The following SRSF10 variants were observed in gnomAD, a reference collection of about 807,000 sequenced individuals.
The protein encoded by SRSF10 is serine and arginine rich splicing factor 10, also known as serine/arginine-rich splicing factor 10.
SRSF10 carries 9 observed loss-of-function variants against 32.6 expected under a neutral mutation model. The ratio of observed to expected loss-of-function variants is 0.28; its 90% CI spans 0.17 to 0.48. The LOEUF (loss-of-function observed/expected upper bound fraction) is 0.48, where lower values mean the gene tolerates loss of function less well. SRSF10 is among the 20% of genes least tolerant of loss of function. The pLI is 0.99. For synonymous variants in SRSF10, 105 were observed against 112.4 expected, an observed-to-expected ratio of 0.93 and a Z score of 0.42; for missense variants, 201 against 331.8, an observed-to-expected ratio of 0.61 and a Z score of 3.06.
intron 1 of SRSF10, 27 bp downstream of exon 1, chr1:23,980,164 G>A: frequency 6.5e-7 from 1 of 1,531,746 alleles, no homozygotes; most frequent in South Asian, 1.2e-5. Flanking sequence ...TCCCCGCCTA[G>A]GCCCGGAGTA....
At position 23,967,893 on chromosome 1, in the gene SRSF10, T is replaced by G; in HGVS notation, c.*3249A>C. ...TGGGATGTAACTTAACAGCTCATAC[T>G]CTATGTAGCACCTTTCCTCTCTCAC... On this transcript the variant is annotated 3_prime_UTR_variant, in exon 6 of 6. Transcript: ENST00000492112. The G allele has an allele frequency of 1.3e-6, 2 of 1,549,432 alleles. No individual in the cohort carries two copies. Among genetic ancestry groups the G allele is most frequent in the Non-Finnish European group, 1.7e-6 (2 of 1,146,508 alleles).
intron 1 of SRSF10, among the ~76,000 whole-genome samples, 188 bp downstream of exon 1, chr1:23,980,003 G>C (rs1214315137): frequency 6.6e-6 from 1 of 152,234 alleles, no homozygotes; most frequent in African/African-American, 2.4e-5. Flanking sequence ...GGCGAAGGCA[G>C]AGGCGCCGCC....
At chr1:23,975,660 A>AG (rs1392739830) in intron 2 of SRSF10, 1 of 152,320 alleles carries the variant, frequency 6.6e-6, no homozygotes, top group African/African-American at 2.4e-5. Flanking sequence ...TGGGAAGACA[A>AG]GCACGCTAGC....
intron 2 of SRSF10, chr1:23,975,494 C>T (rs1284905857): frequency 1.3e-5 from 2 of 157,924 alleles, no homozygotes; most frequent in Non-Finnish European, 2.8e-5. Context: ...TTGTTTCAAA[C>T]GAAAAAAAGA....
At chr1:23,971,669 T>A in intron 4 of SRSF10, 43 bp from the exon 5 acceptor site, 3 of 1,591,480 alleles carry the variant, frequency 1.9e-6, no homozygotes, top group Non-Finnish European at 2.6e-6. Flanking sequence ...TATCTATTCA[T>A]AGAGGCAAAG....
chr1:23,977,081 T>C (rs1642139127), intron 2 of SRSF10: 1 of 152,180 alleles, frequency 6.6e-6, no homozygotes, highest in Non-Finnish European at 1.5e-5. Flanking sequence ...AAGCCAGATA[T>C]AGCTATTATT....
chr1:23,974,224 C>CA (rs1212258494), intron 3 of SRSF10, among the ~76,000 whole-genome samples: 1 of 152,140 alleles, frequency 6.6e-6, no homozygotes, highest in African/African-American at 2.4e-5. Context: ...CTCGGCCTCC[C>CA]AAAGTGCTGG....
rs1641517590 is a variant in SRSF10, at chr1:23,967,676, G to T, written c.*3466C>A. ...CTTTTTCCGCTTTCAGATCTTTCTT[G>T]AAGTGTAGTAAGCAGAACTGTACTG... On this transcript the variant is annotated 3_prime_UTR_variant, in exon 6 of 6. Transcript: ENST00000492112. The T allele has an allele frequency of 6.3e-7, 1 of 1,584,740 alleles. No individual in the cohort carries two copies. Among genetic ancestry groups the T allele is most frequent in the Admixed American group, 1.7e-5 (1 of 59,878 alleles).
At chr1:23,974,367 TG>T (rs1641955737) in intron 3 of SRSF10, among the ~76,000 whole-genome samples, 1 of 152,122 alleles carries the variant, frequency 6.6e-6, no homozygotes, top group South Asian at 2.1e-4. Context: ...ATTCCTGCCT[TG>T]TAAGTACGCA....
intron 3 of SRSF10, among the ~76,000 whole-genome samples, chr1:23,973,889 T>TA (rs1330204768): frequency 6.6e-6 from 1 of 152,054 alleles, no homozygotes; most frequent in African/African-American, 2.4e-5. Context: ...GGAGTACATA[T>TA]AAAAAACACA....
In SRSF10 at chr1:23,968,040, A is replaced by G. The variant is rs1641540482; in HGVS notation, c.*3102T>C. ...TCAGCCCTCATTTGAGTGTTGATAT[A>G]ACCATTCTATTTATCATTGAGCCCA... On this transcript the variant is annotated 3_prime_UTR_variant, in exon 6 of 6. Coordinates refer to ENST00000492112, the MANE Select transcript of SRSF10 (RefSeq NM_054016.4). The G allele has an allele frequency of 1.3e-6, 2 of 1,527,772 alleles. No individual in the cohort carries two copies. Among genetic ancestry groups the G allele is most frequent in the Non-Finnish European group, 1.7e-6 (2 of 1,143,504 alleles). The allele number at this position is 1,527,772 out of a possible 1,614,324, so 94.6% of individuals were successfully genotyped here.
Position 23,965,738 on chromosome 1 carries a change from T to C in SRSF10, c.*5404A>G, listed in dbSNP as rs1641419633. On this transcript the variant is annotated 3_prime_UTR_variant, in exon 6 of 6. Coordinates refer to ENST00000492112, the MANE Select transcript of SRSF10 (RefSeq NM_054016.4). ...CCTTTTCTGATTTACCATAATTAAA[T>C]ATTTTAGAGAACTACCAACTGTTGT... 6.6e-6 allele frequency: 1 copy of C among 151,914 alleles called. No individual in the cohort carries two copies. Among genetic ancestry groups the C allele is most frequent in the Non-Finnish European group, 1.5e-5 (1 of 67,822 alleles). The allele number at this position is 151,914 out of a possible 1,614,324, so 9.4% of individuals were successfully genotyped here.
rs1020919725 is a variant in SRSF10, at chr1:23,972,988, T to C, written c.275-976A>G. Among the ~76,000 whole-genome samples, 14 of 151,942 alleles carry C rather than the reference T, an allele frequency of 9.2e-5. No individual in the cohort carries two copies. In the East Asian group the frequency reaches 1.2e-3, roughly 13 times the overall value. ...CTCCTGACCTCAGGTGATCTGCCCC[T>C]GCCCGCCTTGACCTCCCAAAGTGCT... is the stretch of plus-strand genomic sequence containing the variant. On this transcript the variant is annotated intron_variant, in intron 3 of 5. Coordinates refer to ENST00000492112, the MANE Select transcript of SRSF10 (RefSeq NM_054016.4).
rs1289625798 is a variant in SRSF10 at position 23,970,314 on chromosome 1, A to T, written c.*828T>A. The T allele has an allele frequency of 1.0e-6, 1 of 985,108 alleles. No individual in the cohort carries two copies. The highest frequency in any genetic ancestry group is 1.7e-5 in the African/African-American group (1 of 57,144). 61.0% of individuals were successfully genotyped at this position (985,108 alleles called of 1,614,324 possible). A position where few individuals can be genotyped will look rare whatever the true frequency, so the allele number is the denominator to read the frequency against. On this transcript the variant is annotated 3_prime_UTR_variant, in exon 6 of 6. Transcript: ENST00000492112. ...CCCAAGACAGTGGGGTTAACAAAAG[A>T]ACTAATCCACACTGCATCAAAAATA...
chr1:23,978,906 A>G, intron 1 of SRSF10, 89 bp from the exon 2 acceptor site: 1 of 1,237,206 alleles, frequency 8.1e-7, no homozygotes. Flanking sequence ...GAAAGCTAGG[A>G]TCCAAGAATT....
chr1:23,978,666 T>C (rs1240858992), intron 2 of SRSF10, 47 bp downstream of exon 2: 1 of 1,560,130 alleles, frequency 6.4e-7, no homozygotes, highest in Non-Finnish European at 8.7e-7. Flanking sequence ...AACTTGAATT[T>C]CAAACTTCAA....
At position 23,970,487 on chromosome 1, in the gene SRSF10, A is replaced by C; in HGVS notation, c.*655T>G. ...GCGATTCTCTTGCCTCAGCCTCCTG[A>C]GTAGCTGAGATTACAGGCATGTGCC... On this transcript the variant is annotated 3_prime_UTR_variant, in exon 6 of 6. Transcript: ENST00000492112. The C allele has an allele frequency of 1.5e-5, 8 of 551,238 alleles. No individual in the cohort carries two copies. The highest frequency in any genetic ancestry group is 1.8e-5 in the Non-Finnish European group (8 of 434,598). The allele number at this position is 551,238 out of a possible 1,614,324, so 34.1% of individuals were successfully genotyped here.
In SRSF10 at chr1:23,966,783, TATA is replaced by T. The variant is rs1421764597; in HGVS notation, c.*4356_*4358del. 4.1e-4 allele frequency: 63 copies of T among 152,174 alleles called. No individual in the cohort carries two copies. Among genetic ancestry groups the T allele is most frequent in the African/African-American group, 5.8e-4 (24 of 41,536 alleles). 9.4% of individuals were successfully genotyped at this position (152,174 alleles called of 1,614,324 possible). A position where few individuals can be genotyped will look rare whatever the true frequency, so the allele number is the denominator to read the frequency against. Reference sequence around the variant, plus strand: ...CAGATTAAATCATTTTTTCATTATTTATAATAATGTGATCAAATACTGGATACT... The same window carrying T: ...CAGATTAAATCATTTTTTCATTATTTATAATGTGATCAAATACTGGATACT... On this transcript the variant is annotated 3_prime_UTR_variant, in exon 6 of 6. Coordinates refer to ENST00000492112, the MANE Select transcript of SRSF10 (RefSeq NM_054016.4).
intron 2 of SRSF10, chr1:23,978,311 T>C: frequency 1.0e-6 from 1 of 994,720 alleles, no homozygotes; most frequent in Non-Finnish European, 1.2e-6. Context: ...TAGGGGACAA[T>C]ATTAAAGAAG....
Sources: gnomAD v4.1 joint callset for allele counts (sites outside exome capture counted in the v4.1 genomes callset) on GRCh38, gnomAD v4.1.1 for gene constraint, MANE v1.5 for transcripts, NCBI Gene and HGNC (gene_info 2026-07-23, HGNC 2026-07-21) for gene names.